EPRS1: variants seen among roughly 807,000 people sequenced by gnomAD.
The protein encoded by EPRS1 is glutamyl-prolyl-tRNA synthetase 1.
In EPRS1, 107 loss-of-function variants were observed where a neutral mutation model predicts 188.3. The observed-to-expected ratio is 0.57, with a 90% confidence interval of 0.49 to 0.67. EPRS1 has a LOEUF of 0.67. Among genes scored for constraint, EPRS1 ranks in the 30% least tolerant of loss-of-function variants. The pLI, the probability that EPRS1 is intolerant of heterozygous loss-of-function variation, is 0.00. For missense variants in EPRS1, 1,577 were observed against 1,802.2 expected, an observed-to-expected ratio of 0.88 and a Z score of 2.26; for synonymous variants, 596 against 593.1, an observed-to-expected ratio of 1.00 and a Z score of -0.07.
intron 19 of EPRS1, among the ~76,000 whole-genome samples, chr1:219,987,995 CTAAGT>C (rs1188053409): frequency 6.6e-6 from 1 of 152,144 alleles, no homozygotes; most frequent in African/African-American, 2.4e-5. Context: ...CCATAGGAAT[CTAAGT>C]TAAGAGCCAT....
In EPRS1 at chr1:219,969,099, C is replaced by G. The variant is rs201491172; in HGVS notation, c.4347G>C (p.Gly1449=). 1.2e-5 allele frequency: 19 copies of G among 1,611,578 alleles called. No homozygotes were observed. The highest frequency in any genetic ancestry group is 1.7e-6 in the Non-Finnish European group (2 of 1,177,852). Residue 1449 remains glycine, a synonymous_variant, in exon 31 of 32, where the codon GGG becomes GGC. Transcript: ENST00000366923. Reference sequence around the variant, plus strand: ...TGATCCAGTCCTCACAGTCAATTTCCCCACAGAATGGAATCTGAACAATCT... The same window carrying G: ...TGATCCAGTCCTCACAGTCAATTTCGCCACAGAATGGAATCTGAACAATCT... ...SGKIVQIPFC[G]EIDCEDWIKK... is the part of the protein sequence containing the mutation.
In EPRS1 at chr1:220,007,306, A is replaced by G. The variant is rs148863776; in HGVS notation, c.1638T>C (p.Tyr546=). 3,404 of 1,613,774 alleles carry G rather than the reference A, an allele frequency of 2.1e-3. 13 individuals are homozygous for G. The highest frequency in any genetic ancestry group is 0.014 in the Middle Eastern group (82 of 6,060). ...CACCTTCAATGAAAACTTTGGGACT[A>G]TACCACACAGGCTTCAAGCCAACCT... is the stretch of plus-strand genomic sequence containing the variant. ...NPEVGLKPVW[Y]SPKVFIEGAD... is the part of the protein sequence containing the mutation. Residue 546 remains tyrosine (Y), a synonymous_variant, in exon 14 of 32, where the codon TAT becomes TAC. Coordinates refer to ENST00000366923, the MANE Select transcript of EPRS1 (RefSeq NM_004446.3).
intron 2 of EPRS1, among the ~76,000 whole-genome samples, chr1:220,038,020 T>G (rs1400417990): frequency 6.6e-6 from 1 of 151,802 alleles, no homozygotes; most frequent in Non-Finnish European, 1.5e-5. Flanking sequence ...AGAGCAGAAG[T>G]TTATGAGTAT....
At chr1:219,996,819 T>G (rs966528114) in intron 18 of EPRS1, among the ~76,000 whole-genome samples, 164 bp downstream of exon 18, 8 of 152,176 alleles carry the variant, frequency 5.3e-5, no homozygotes, top group Admixed American at 5.2e-4. Context: ...GATTATGAGC[T>G]TCTTATATAT....
chr1:220,020,623 C>G (rs1661851947), intron 9 of EPRS1, among the ~76,000 whole-genome samples: 1 of 150,042 alleles, frequency 6.7e-6, no homozygotes. Flanking sequence ...TCTGAGTAAT[C>G]CCTTACTCAA....
At chr1:219,976,485 T>G (rs1660782898) in intron 28 of EPRS1, among the ~76,000 whole-genome samples, 1 of 152,216 alleles carries the variant, frequency 6.6e-6, no homozygotes, top group African/African-American at 2.4e-5. Flanking sequence ...TGTAGGAGAA[T>G]ATGTTGGTTG....
chr1:220,006,232 A>G lies in EPRS1; in HGVS notation c.1824T>C (p.Thr608=). The change falls in exon 15 of 32, where the codon ACT becomes ACC. Residue 608 remains threonine (T), a synonymous_variant. Coordinates refer to ENST00000366923, the MANE Select transcript of EPRS1 (RefSeq NM_004446.3). The stretch of plus-strand genomic sequence containing the variant: ...GAGCATGTGTAGTCTCTGCAAGCCA[A>G]GTGACCTTAGTGGTTTTCTTGTAGT... The part of the protein sequence containing the change: ...NKDYKKTTKV[T]WLAETTHALP... 6.2e-7 allele frequency: 1 copy of G among 1,603,456 alleles called. No individual in the cohort carries two copies. Among genetic ancestry groups the G allele is most frequent in the Admixed American group, 1.7e-5 (1 of 58,846 alleles).
intron 18 of EPRS1, among the ~76,000 whole-genome samples, chr1:219,996,194 A>G (rs1020584785): frequency 3.9e-5 from 6 of 152,218 alleles, no homozygotes; most frequent in African/African-American, 1.4e-4. Flanking sequence ...TGCCACACCT[A>G]CTTGGCTAAA....
At chr1:220,009,661 A>G (rs2789803) in intron 13 of EPRS1, among the ~76,000 whole-genome samples, 122,549 of 151,766 alleles carry the variant, frequency 0.81, 49,605 homozygotes, top group East Asian at 0.93. Context: ...CTCCAGCCTG[A>G]GCACCAGAGC....
intron 13 of EPRS1, among the ~76,000 whole-genome samples, chr1:220,008,196 C>T (rs1391586607): frequency 6.6e-6 from 1 of 151,326 alleles, no homozygotes; most frequent in Non-Finnish European, 1.5e-5. Context: ...TGAGCAGTGG[C>T]TATGGGACAT....
intron 2 of EPRS1, among the ~76,000 whole-genome samples, chr1:220,038,296 G>A (rs1193680635): frequency 6.6e-6 from 1 of 151,742 alleles, no homozygotes; most frequent in South Asian, 2.1e-4. Flanking sequence ...TGGTCAGGCT[G>A]GTCTCGAACT....
chr1:219,979,041 A>C (rs1442930688), intron 27 of EPRS1, among the ~76,000 whole-genome samples: 1 of 151,978 alleles, frequency 6.6e-6, no homozygotes, highest in African/African-American at 2.4e-5. Flanking sequence ...TTTTTTGTAG[A>C]CTAGATTTTG....
intron 13 of EPRS1, among the ~76,000 whole-genome samples, chr1:220,010,498 A>G (rs779508172): frequency 3.7e-4 from 57 of 152,328 alleles, no homozygotes; most frequent in Middle Eastern, 3.4e-3. Context: ...ATTAGTATCA[A>G]ATCCTGACAA....
Position 220,007,371 on chromosome 1 carries a change from AAAC to A in EPRS1, c.1606-36_1606-34del, listed in dbSNP as rs201243479. On this transcript the variant is annotated intron_variant, in intron 13 of 31. Transcript: ENST00000366923. Reference sequence around the variant, plus strand: ...ATAAAGAAAAGCAGAGTGTCTGTTGAAACAACAACTTATTGAACCCAGTATGCA... The same window carrying A: ...ATAAAGAAAAGCAGAGTGTCTGTTGAAACAACTTATTGAACCCAGTATGCA... The A allele has an allele frequency of 9.6e-4, 1,524 of 1,592,848 alleles. 23 individuals carry two copies. The East Asian group carries it at 0.027, about 29-fold the overall frequency.
In EPRS1 at chr1:220,024,146, C is replaced by T. The variant is rs190141771; in HGVS notation, c.943+118G>A. The T allele has an allele frequency of 9.6e-3, 6,936 of 721,824 alleles. 88 individuals carry two copies. The highest frequency in any genetic ancestry group is 0.044 in the Middle Eastern group (138 of 3,148). 44.7% of individuals were successfully genotyped at this position (721,824 alleles called of 1,614,324 possible). On this transcript the variant is annotated intron_variant, in intron 8 of 31. Coordinates refer to ENST00000366923, the MANE Select transcript of EPRS1 (RefSeq NM_004446.3). ...CAGCCCAGGCAACAGAGCGAGACTCCTTCTCAAAACAAACAAACAAACAAA... is the reference window on the plus strand; with the variant it reads ...CAGCCCAGGCAACAGAGCGAGACTCTTTCTCAAAACAAACAAACAAACAAA...
intron 12 of EPRS1, among the ~76,000 whole-genome samples, chr1:220,011,639 G>T (rs755940896): frequency 2.6e-5 from 4 of 152,172 alleles, no homozygotes; most frequent in African/African-American, 4.8e-5. Context: ...TATATTCTCA[G>T]TATATTCCCA....
intron 12 of EPRS1, chr1:220,018,096 T>C: frequency 4.7e-6 from 6 of 1,278,370 alleles, no homozygotes; most frequent in Non-Finnish European, 6.1e-6. Context: ...AAAAGCTATG[T>C]TTAAGGCAAA....
chr1:219,993,617 T>C (rs1207519300), intron 18 of EPRS1, among the ~76,000 whole-genome samples: 1 of 152,296 alleles, frequency 6.6e-6, no homozygotes, highest in Middle Eastern at 3.4e-3. Flanking sequence ...TAACATGACA[T>C]AGTAAAATAA....
intron 12 of EPRS1, among the ~76,000 whole-genome samples, chr1:220,016,711 C>CT (rs57900764): frequency 0.68 from 87,369 of 128,114 alleles, 29,707 homozygotes; most frequent in Non-Finnish European, 0.73. Context: ...GAGAACCTGG[C>CT]TTTTTTTTTT....
Sources: gnomAD v4.1 joint callset for allele counts (sites outside exome capture counted in the v4.1 genomes callset) on GRCh38, gnomAD v4.1.1 for gene constraint, MANE v1.5 for transcripts, NCBI Gene and HGNC (gene_info 2026-07-23, HGNC 2026-07-21) for gene names.